ACTN1: variants seen among roughly 807,000 people sequenced by gnomAD.
The protein encoded by ACTN1 is actinin alpha 1.
In ACTN1, 30 loss-of-function variants were observed where a neutral mutation model predicts 119.6. The observed-to-expected ratio is 0.25, with a 90% confidence interval of 0.19 to 0.34. ACTN1 has a LOEUF of 0.34. ACTN1 is among the 10% of genes least tolerant of loss of function. The pLI is 1.00. For missense variants in ACTN1, 764 were observed against 1,223.4 expected (o/e 0.62, Z 5.60); for synonymous variants, 429 against 472.6 (o/e 0.91, Z 1.20).
chr14:68,968,269 G>A (rs766969689), intron 1 of ACTN1, among the ~76,000 whole-genome samples: 6 of 152,302 alleles, frequency 3.9e-5, no homozygotes, highest in Non-Finnish European at 5.9e-5. Flanking sequence ...ACATACGAAC[G>A]CCACCGCAGA....
chr14:68,949,290 C>A (rs1414429494), intron 1 of ACTN1, among the ~76,000 whole-genome samples: 1 of 152,208 alleles, frequency 6.6e-6, no homozygotes, highest in Non-Finnish European at 1.5e-5. Context: ...GCTGCATCCC[C>A]CTTCCCCAAG....
At position 68,878,187 on chromosome 14, in the gene ACTN1, G is replaced by A. The variant is rs1594747946; in HGVS notation, c.2427+271C>T. ...GTCCTTCCTGCCAGCCTCAGGGTCAGCCCAGCTGTCCACAGTGGGAGTGAG... is the reference window on the plus strand; with the variant it reads ...GTCCTTCCTGCCAGCCTCAGGGTCAACCCAGCTGTCCACAGTGGGAGTGAG... On this transcript the variant is annotated intron_variant, in intron 20 of 21. Transcript: ENST00000394419. This position sits in a 1 kb window ranked among gnomAD's most constrained non-coding sequence, Gnocchi z 4.4. 2.5e-6 allele frequency: 1 copy of A among 393,684 alleles called. No homozygotes were observed. Among genetic ancestry groups the A allele is most frequent in the East Asian group, 4.1e-5 (1 of 24,370 alleles). The allele number at this position is 393,684 out of a possible 1,614,324, so 24.4% of individuals were successfully genotyped here.
At chr14:68,950,455 C>CATGTGTGTGTGTGTGT (rs141940950) in intron 1 of ACTN1, among the ~76,000 whole-genome samples, 72 of 137,588 alleles carry the variant, frequency 5.2e-4, no homozygotes, top group African/African-American at 8.9e-4. Flanking sequence ...AATATATATG[C>CATGTGTGTGTGTGTGT]GTGTGTGTAT....
rs766816934 is a variant in ACTN1 at position 68,877,191 on chromosome 14, A to C, written c.2477T>G (p.Leu826Arg). Reference protein sequence around the residue: ...RIMSIVDPNRLGVVTFQAFID... With the variant: ...RIMSIVDPNRRGVVTFQAFID... ...GAAGGCCTGGAATGTCACTACCCCC[A>C]GGCGGTTGGGGTCCACAATGCTCAT... is the stretch of plus-strand genomic sequence containing the variant. Residue 826 changes from leucine (L) to arginine (R), a missense_variant, in exon 21 of 22, where the codon CTG becomes CGG. Physicochemically the swap from Leu to Arg is moderately radical, Grantham distance 102. Coordinates refer to ENST00000394419, the MANE Select transcript of ACTN1 (RefSeq NM_001130004.2). 1.2e-6 allele frequency: 2 copies of C among 1,614,186 alleles called. No homozygotes were observed. Among genetic ancestry groups the C allele is most frequent in the African/African-American group, 1.3e-5 (1 of 75,058 alleles).
chr14:68,914,441 A>C (rs1267557675), intron 3 of ACTN1, among the ~76,000 whole-genome samples: 1 of 152,234 alleles, frequency 6.6e-6, no homozygotes, highest in Non-Finnish European at 1.5e-5. Context: ...AAATAAGATC[A>C]CCTTCCCAGC....
intron 1 of ACTN1, among the ~76,000 whole-genome samples, chr14:68,948,652 C>T (rs1049031764): frequency 7.2e-5 from 11 of 152,164 alleles, no homozygotes; most frequent in African/African-American, 2.2e-4. Flanking sequence ...TTAAGTAAGC[C>T]GGCTAGCAAA....
At chr14:68,919,251 C>A (rs957523827) in intron 3 of ACTN1, among the ~76,000 whole-genome samples, 2 of 152,216 alleles carry the variant, frequency 1.3e-5, no homozygotes, top group Non-Finnish European at 2.9e-5. Flanking sequence ...CCACAAGGTG[C>A]CCATCCCGCT....
At chr14:68,956,885 G>A (rs550943262) in intron 1 of ACTN1, among the ~76,000 whole-genome samples, 13 of 152,144 alleles carry the variant, frequency 8.5e-5, no homozygotes, top group African/African-American at 2.9e-4. Flanking sequence ...GAGACAAAGC[G>A]GGTAGAGTGT....
chr14:68,968,199 C>T (rs2036765692), intron 1 of ACTN1, among the ~76,000 whole-genome samples: 20 of 152,218 alleles, frequency 1.3e-4, no homozygotes, highest in Admixed American at 1.3e-3. Context: ...GTCTCCTGCC[C>T]TCCCTCATCA....
Position 68,925,652 on chromosome 14 carries a change from G to A in ACTN1, c.126C>T (p.Asn42=). Residue 42 remains asparagine (N), a synonymous_variant, in exon 2 of 22, where the codon AAC becomes AAT. Coordinates refer to ENST00000394419, the MANE Select transcript of ACTN1 (RefSeq NM_001130004.2). This position sits in a 1 kb window ranked among gnomAD's most constrained non-coding sequence, Gnocchi z 4.3. ...QQRKTFTAWC[N]SHLRKAGTQI... Reference sequence around the variant, plus strand: ...GTGTCCCCGCCTTCCGGAGGTGGGAGTTACACCATGCCGTGAATGTCTGGG... The same window carrying A: ...GTGTCCCCGCCTTCCGGAGGTGGGAATTACACCATGCCGTGAATGTCTGGG... The A allele has an allele frequency of 1.2e-6, 2 of 1,612,880 alleles. No individual in the cohort carries two copies. Among genetic ancestry groups the A allele is most frequent in the Non-Finnish European group, 1.7e-6 (2 of 1,179,352 alleles).
intron 6 of ACTN1, among the ~76,000 whole-genome samples, chr14:68,905,357 G>A (rs751668608): frequency 2.6e-5 from 4 of 152,218 alleles, no homozygotes; most frequent in African/African-American, 2.4e-5. Context: ...CAACATAAAC[G>A]TAGGTGGAAT....
intron 8 of ACTN1, among the ~76,000 whole-genome samples, chr14:68,894,099 C>T (rs1377266567): frequency 6.6e-6 from 1 of 152,160 alleles, no homozygotes; most frequent in Non-Finnish European, 1.5e-5. Context: ...TCATGCCCAT[C>T]CTGGAATTCC....
Position 68,950,462 on chromosome 14 carries a change from G to GTGTGTGTGTGTGTGTGTGTATATATA in ACTN1, c.106-24791_106-24790insTATATATACACACACACACACACACA. Among the ~76,000 whole-genome samples, 909 of 125,924 alleles carry GTGTGTGTGTGTGTGTGTGTATATATA rather than the reference G, an allele frequency of 7.2e-3. 111 individuals are homozygous for GTGTGTGTGTGTGTGTGTGTATATATA. Among genetic ancestry groups the GTGTGTGTGTGTGTGTGTGTATATATA allele is most frequent in the African/African-American group, 0.035 (860 of 24,322 alleles). The allele number at this position is 125,924 out of a possible 152,430, so 82.6% of individuals were successfully genotyped here. A position where few individuals can be genotyped will look rare whatever the true frequency, so the allele number is the denominator to read the frequency against. On this transcript the variant is annotated intron_variant, in intron 1 of 21. Coordinates refer to ENST00000394419, the MANE Select transcript of ACTN1 (RefSeq NM_001130004.2). ...TTTACCATAATATATATGCGTGTGTGTATATATATATATATAAATCAAACA... is the reference window on the plus strand; with the variant it reads ...TTTACCATAATATATATGCGTGTGTGTGTGTGTGTGTGTGTGTGTATATATATATATATATATATATAAATCAAACA...
chr14:68,914,232 A>G (rs1384645329), intron 3 of ACTN1, among the ~76,000 whole-genome samples: 1 of 152,202 alleles, frequency 6.6e-6, no homozygotes, highest in African/African-American at 2.4e-5. Flanking sequence ...AAAGTAAAGG[A>G]ATCGGCTCAT....
chr14:68,940,789 A>C (rs528834472), intron 1 of ACTN1, among the ~76,000 whole-genome samples: 28 of 152,132 alleles, frequency 1.8e-4, no homozygotes, highest in Non-Finnish European at 3.8e-4. Context: ...CCTGTGTGGA[A>C]GCTCCTCTCC....
rs758430653 is a variant in ACTN1, at chr14:68,890,159, A to G, written c.1214T>C (p.Ile405Thr). The change falls in exon 11 of 22, where the codon ATC (isoleucine) becomes ACC (threonine). Residue 405 changes from isoleucine (I) to threonine (T), a missense_variant. Around this residue, in one of 4 missense-constraint regions of ACTN1, gnomAD observed 544 missense variants for 912.0 expected, o/e 0.60. Transcript: ENST00000394419. The stretch of plus-strand genomic sequence containing the variant: ...CTCACCGTCAGTCCAGGCCTCGTGG[A>G]TGGAGGCCTTCTGCCGGAACTTCTC... Reference protein sequence around the residue: ...LAEKFRQKASIHEAWTDGKEA... With the variant: ...LAEKFRQKASTHEAWTDGKEA... 1 of 1,613,962 alleles carries G rather than the reference A, an allele frequency of 6.2e-7. No homozygotes were observed. Among genetic ancestry groups the G allele is most frequent in the South Asian group, 1.1e-5 (1 of 91,042 alleles).
chr14:68,913,364 C>T (rs573126691), intron 3 of ACTN1, among the ~76,000 whole-genome samples: 30 of 152,308 alleles, frequency 2.0e-4, no homozygotes, highest in African/African-American at 7.0e-4. Flanking sequence ...TGGTAAGACA[C>T]GCTCAGTTAA....
In ACTN1 at chr14:68,931,959, T is replaced by G. The variant is rs1436909320; in HGVS notation, c.106-6287A>C. Among the ~76,000 whole-genome samples, 3 of 152,154 alleles carry G rather than the reference T, an allele frequency of 2.0e-5. No individual in the cohort carries two copies. In the East Asian group the frequency reaches 5.8e-4, roughly 29 times the overall value. Reference sequence around the variant, plus strand: ...AAGGTCCTTTATCACTCTGACTCTATAAGAGCCTGAGGCAGCCCTTGAAAA... The same window carrying G: ...AAGGTCCTTTATCACTCTGACTCTAGAAGAGCCTGAGGCAGCCCTTGAAAA... On this transcript the variant is annotated intron_variant, in intron 1 of 21. Transcript: ENST00000394419.
At position 68,979,053 on chromosome 14, in the gene ACTN1, C is replaced by T. The variant is rs762231000; in HGVS notation, c.4G>A (p.Asp2Asn). 2.5e-6 allele frequency: 4 copies of T among 1,588,176 alleles called. No homozygotes were observed. The highest frequency in any genetic ancestry group is 2.7e-5 in the African/African-American group (2 of 73,336). The change falls in exon 1 of 22, where the codon GAC becomes AAC. Residue 2 changes from aspartate to asparagine, a missense_variant. This residue lies in a region of ACTN1 where 64 missense variants were observed against 80.0 expected (regional missense o/e 0.80). Transcript: ENST00000394419. M[D>N]HYDSQQTNDY... ...TTGGTTTGCTGAGAATCATAATGGT[C>T]CATGATGGTGCGCGCGTGCTAGGGT... is the stretch of plus-strand genomic sequence containing the variant.
Sources: gnomAD v4.1 joint callset for allele counts (sites outside exome capture counted in the v4.1 genomes callset) on GRCh38, gnomAD v4.1.1 for gene constraint, gnomAD v4.1.1 regional missense constraint, Gnocchi (gnomAD v3.1) non-coding constraint, MANE v1.5 for transcripts, NCBI Gene and HGNC (gene_info 2026-07-23, HGNC 2026-07-21) for gene names.